The following BPIFB6 variants were observed in gnomAD, a reference collection of about 807,000 sequenced individuals.
BPIFB6 encodes the protein BPI fold containing family B member 6, also known as BPI fold-containing family B member 6.
Under a neutral mutation model 54.7 loss-of-function variants are expected in BPIFB6, and 47 were observed. The ratio of observed to expected loss-of-function variants is 0.86; its 90% CI spans 0.68 to 1.10. The LOEUF is 1.10. Among genes scored for constraint, BPIFB6 ranks in the 50% least tolerant of loss-of-function variants. The probability of loss-of-function intolerance (pLI) is 0.00; values close to 1 mark genes in which losing one functional copy is unlikely to be tolerated. For missense variants in BPIFB6, 603 were observed against 564.1 expected, an observed-to-expected ratio of 1.07 and a Z score of -0.70; for synonymous variants, 255 against 225.9, an observed-to-expected ratio of 1.13 and a Z score of -1.16.
Position 33,039,485 on chromosome 20 carries a change from A to G in BPIFB6, c.1039A>G (p.Ser347Gly), listed in dbSNP as rs4911287. ...GGAGATGTTCGCAGCTCGGTGGCGGAGCAAGGCTCCAATGTCCCTCTTTCT... is the reference window on the plus strand; with the variant it reads ...GGAGATGTTCGCAGCTCGGTGGCGGGGCAAGGCTCCAATGTCCCTCTTTCT... ...TLEMFAARWR[S>G]KAPMSLFLLE... The change falls in exon 10 of 15, where the codon AGC (serine) becomes GGC (glycine). Residue 347 changes from serine (S) to glycine (G), a missense_variant. Coordinates refer to ENST00000349552, the MANE Select transcript of BPIFB6 (RefSeq NM_174897.2). 668,415 of 1,612,712 alleles carry G rather than the reference A, an allele frequency of 0.41. 147,379 individuals are homozygous for G. Among genetic ancestry groups the G allele is most frequent in the East Asian group, 0.77 (34,429 of 44,852 alleles).
intron 8 of BPIFB6, 40 bp from the exon 9 acceptor site, chr20:33,038,869 G>C (rs1979455715): frequency 1.9e-6 from 3 of 1,599,798 alleles, no homozygotes; most frequent in Non-Finnish European, 2.6e-6. Context: ...ATGGGCCAGG[G>C]AGGACTCCAG....
intron 4 of BPIFB6, 42 bp downstream of exon 4, chr20:33,034,954 G>T (rs1014242118): frequency 2.8e-5 from 45 of 1,605,730 alleles, no homozygotes; most frequent in Non-Finnish European, 3.7e-5. Context: ...GGTCCATATT[G>T]CTATACCCCC....
intron 1 of BPIFB6, among the ~76,000 whole-genome samples, chr20:33,032,447 C>G (rs906461545): frequency 6.6e-5 from 10 of 152,066 alleles, no homozygotes; most frequent in African/African-American, 2.2e-4. Context: ...CATTCAAGTC[C>G]CCAGAGGAGT....
chr20:33,033,650 A>G (rs1462057035), intron 2 of BPIFB6: 2 of 456,704 alleles, frequency 4.4e-6, no homozygotes, highest in Non-Finnish European at 8.8e-6. Context: ...CTGGATCTCA[A>G]CTGGTGATTC....
At chr20:33,040,897 C>A (rs1051305219) in intron 11 of BPIFB6, among the ~76,000 whole-genome samples, 2 of 151,996 alleles carry the variant, frequency 1.3e-5, no homozygotes, top group South Asian at 4.1e-4. Context: ...GGATTCTTTC[C>A]GTTGCAAGAG....
intron 6 of BPIFB6, 22 bp from the exon 7 acceptor site, chr20:33,036,423 G>A (rs1481801758): frequency 1.1e-5 from 18 of 1,597,408 alleles, no homozygotes; most frequent in Non-Finnish European, 1.5e-5. Context: ...GCCTCTTTGA[G>A]TGGAACCTCC....
In BPIFB6 at chr20:33,043,340, C is replaced by A. The variant is rs140595029; in HGVS notation, c.1302C>A (p.Tyr434Ter). The change falls in exon 14 of 15, where the codon TAC (tyrosine) becomes TAA (stop). Residue 434 changes from tyrosine (Y) to a stop codon, truncating the protein, a stop_gained. Transcript: ENST00000349552. LOFTEE classifies it high-confidence loss of function. ...TCCCGGACTTTCTGGCCATGAATTACAACCTGGCTGAGCTGGACATAGTAG... is the reference window on the plus strand; with the variant it reads ...TCCCGGACTTTCTGGCCATGAATTAAAACCTGGCTGAGCTGGACATAGTAG... ...LPLPDFLAMN[Y>*]NLAELDIVEN... 874 of 1,614,162 alleles carry A rather than the reference C, an allele frequency of 5.4e-4. 1 individual carries two copies. In the African/African-American group the frequency reaches 0.011, roughly 20 times the overall value.
intron 6 of BPIFB6, among the ~76,000 whole-genome samples, chr20:33,036,146 C>T (rs549511817): frequency 6.6e-6 from 1 of 152,246 alleles, no homozygotes; most frequent in Non-Finnish European, 1.5e-5. Flanking sequence ...TTCTCAGCCT[C>T]GGTTTGCTTA....
chr20:33,041,179 T>C, intron 11 of BPIFB6, among the ~76,000 whole-genome samples: 1 of 151,916 alleles, frequency 6.6e-6, no homozygotes, highest in East Asian at 1.9e-4. Context: ...TTAGTAGAGA[T>C]GGGATTTCAC....
intron 6 of BPIFB6, 63 bp from the exon 7 acceptor site, chr20:33,036,382 C>G: frequency 7.0e-7 from 1 of 1,430,584 alleles, no homozygotes; most frequent in South Asian, 1.3e-5. Flanking sequence ...CTGGCTGGTG[C>G]CAGCTTCTCT....
chr20:33,033,439 C>T (rs1979190906), intron 2 of BPIFB6: 1 of 458,124 alleles, frequency 2.2e-6, no homozygotes, highest in Admixed American at 2.3e-5. Flanking sequence ...CATCAACAAT[C>T]ATCTAATGAC....
intron 8 of BPIFB6, 71 bp downstream of exon 8, chr20:33,037,809 T>C (rs1979409315): frequency 6.5e-7 from 1 of 1,542,710 alleles, no homozygotes; most frequent in African/African-American, 1.4e-5. Context: ...AGTTTTTCTA[T>C]CATGAAAATT....
intron 14 of BPIFB6, 79 bp downstream of exon 14, chr20:33,043,446 A>T (rs1156677723): frequency 7.2e-7 from 1 of 1,379,602 alleles, no homozygotes; most frequent in Admixed American, 1.7e-5. Context: ...TACCTCTCTC[A>T]AACTGGAAAG....
At chr20:33,035,211 C>T in intron 5 of BPIFB6, 67 bp downstream of exon 5, 1 of 1,506,196 alleles carries the variant, frequency 6.6e-7, no homozygotes, top group South Asian at 1.1e-5. Flanking sequence ...CTGGCAAATG[C>T]ATTTCATGTT....
Position 33,033,037 on chromosome 20 carries a change from G to T in BPIFB6, c.151G>T (p.Ala51Ser), listed in dbSNP as rs539135986. 5.1e-5 allele frequency: 82 copies of T among 1,613,976 alleles called. 1 individual carries two copies. The highest frequency in any genetic ancestry group is 3.3e-4 in the Admixed American group (20 of 59,998). Residue 51 changes from alanine to serine, a missense_variant, in exon 2 of 15, where the codon GCA becomes TCA. By Grantham distance (99) the Ala-to-Ser change is moderately conservative. Transcript: ENST00000349552. ...TATCCTGGAGAAGATGGCAGCCGAGGCAGGCAAGAAACAGCCAGGGATGAA... is the reference window on the plus strand; with the variant it reads ...TATCCTGGAGAAGATGGCAGCCGAGTCAGGCAAGAAACAGCCAGGGATGAA... ...SHILEKMAAE[A>S]GKKQPGMKPI...
In BPIFB6 at chr20:33,034,214, G is replaced by C; in HGVS notation, c.226G>C (p.Val76Leu). Residue 76 changes from valine (V) to leucine (L), a missense_variant, in exon 3 of 15, where the codon GTC (valine) becomes CTC (leucine). Transcript: ENST00000349552. ...GAAGGTGAAGGATGTCCAGCTGCCCGTCATCACACTGAACTTTGTACCTGG... is the reference window on the plus strand; with the variant it reads ...GAAGGTGAAGGATGTCCAGCTGCCCCTCATCACACTGAACTTTGTACCTGG... ...NLKVKDVQLP[V>L]ITLNFVPGVG... The C allele has an allele frequency of 6.2e-7, 1 of 1,614,058 alleles. No homozygotes were observed. Among genetic ancestry groups the C allele is most frequent in the Non-Finnish European group, 8.5e-7 (1 of 1,179,938 alleles).
chr20:33,043,924 T>G, intron 14 of BPIFB6, 91 bp from the exon 15 acceptor site: 3 of 1,508,310 alleles, frequency 2.0e-6, no homozygotes, highest in Non-Finnish European at 2.8e-6. Flanking sequence ...CACACTGGTT[T>G]CCATTTCCTG....
At chr20:33,041,603 G>C (rs79442511) in intron 11 of BPIFB6, among the ~76,000 whole-genome samples, 1 of 152,122 alleles carries the variant, frequency 6.6e-6, no homozygotes. Context: ...ACAGGGACGG[G>C]GCTGGGGGAA....
intron 8 of BPIFB6, 141 bp from the exon 9 acceptor site, chr20:33,038,768 C>G (rs940729869): frequency 3.7e-6 from 3 of 821,498 alleles, no homozygotes; most frequent in African/African-American, 3.4e-5. Flanking sequence ...CCAGAAGGCA[C>G]AATATTTAGT....
Sources: gnomAD v4.1 joint callset for allele counts (sites outside exome capture counted in the v4.1 genomes callset) on GRCh38, gnomAD v4.1.1 for gene constraint, MANE v1.5 for transcripts, NCBI Gene and HGNC (gene_info 2026-07-23, HGNC 2026-07-21) for gene names.